The following TGM6 variants were observed in gnomAD, a reference collection of about 807,000 sequenced individuals.
TGM6 encodes the protein transglutaminase 6, also known as protein-glutamine gamma-glutamyltransferase 6.
Under a neutral mutation model 77.5 loss-of-function variants are expected in TGM6, and 74 were observed. The ratio of observed to expected loss-of-function variants is 0.96; its 90% CI spans 0.79 to 1.16. The LOEUF (loss-of-function observed/expected upper bound fraction) is 1.16. Ranked by LOEUF, TGM6 falls within the 50% of genes most tolerant of loss-of-function variation. TGM6 has a pLI of 0.00. For missense variants in TGM6, 968 were observed against 940.2 expected, an observed-to-expected ratio of 1.03 and a Z score of -0.39; for synonymous variants, 383 against 378.9, an observed-to-expected ratio of 1.01 and a Z score of -0.12.
At chr20:2,432,183 G>T (rs2084927910) in intron 12 of TGM6, among the ~76,000 whole-genome samples, 2 of 152,008 alleles carry the variant, frequency 1.3e-5, no homozygotes, top group African/African-American at 4.8e-5. Flanking sequence ...TGAGTAGCTG[G>T]GATTACAGGT....
At chr20:2,427,134 G>A (rs1018237587) in intron 10 of TGM6, among the ~76,000 whole-genome samples, 4 of 152,080 alleles carry the variant, frequency 2.6e-5, no homozygotes, top group African/African-American at 7.2e-5. Flanking sequence ...GGATTAATGT[G>A]TTCTGGTTTG....
chr20:2,427,456 G>T (rs1264268161), intron 10 of TGM6, among the ~76,000 whole-genome samples: 1 of 151,972 alleles, frequency 6.6e-6, no homozygotes, highest in Non-Finnish European at 1.5e-5. Flanking sequence ...CTTGCTAGAG[G>T]CTTATTGACT....
intron 1 of TGM6, among the ~76,000 whole-genome samples, chr20:2,393,690 C>T (rs952443085): frequency 2.0e-5 from 3 of 151,818 alleles, no homozygotes; most frequent in Non-Finnish European, 2.9e-5. Flanking sequence ...ACGCCTGGCT[C>T]ATTTTTTGTA....
In TGM6 at chr20:2,432,484, C is replaced by T; in HGVS notation, c.1968-6C>T. ...AGTCTGCCTTTCTCCCCTCCCCTTCCTCCAGCGTGCCTACCCTGGAGCCTC... is the reference window on the plus strand; with the variant it reads ...AGTCTGCCTTTCTCCCCTCCCCTTCTTCCAGCGTGCCTACCCTGGAGCCTC... On this transcript the variant is annotated splice_region_variant and splice_polypyrimidine_tract_variant and intron_variant, in intron 12 of 12. Coordinates refer to ENST00000202625, the MANE Select transcript of TGM6 (RefSeq NM_198994.3). The T allele has an allele frequency of 6.2e-7, 1 of 1,613,976 alleles. No homozygotes were observed. Among genetic ancestry groups the T allele is most frequent in the South Asian group, 1.1e-5 (1 of 91,070 alleles).
At chr20:2,424,655 G>T (rs1568670643) in intron 10 of TGM6, among the ~76,000 whole-genome samples, 1 of 152,152 alleles carries the variant, frequency 6.6e-6, no homozygotes, top group Non-Finnish European at 1.5e-5. Context: ...TCCTTCAAGA[G>T]TAGCACTTTT....
intron 9 of TGM6, among the ~76,000 whole-genome samples, chr20:2,404,349 T>C (rs3865538): frequency 0.45 from 67,926 of 152,124 alleles, 16,752 homozygotes; most frequent in East Asian, 0.67. Context: ...CTTATAGCTG[T>C]TTCCAACTAT....
Position 2,403,810 on chromosome 20 carries a change from C to A in TGM6, c.1323C>A (p.Tyr441Ter). The change falls in exon 9 of 13, where the codon TAC becomes TAA. Residue 441 changes from tyrosine (Y) to a stop codon, truncating the protein, a stop_gained. Transcript: ENST00000202625. LOFTEE classifies it high-confidence loss of function. Reference protein sequence around the residue: ...SDSRVDITDLYKYPEGSRKER... With the variant: ...SDSRVDITDL ...CCCGCGTGGACATCACTGACCTCTA[C>A]AAGTATCCGGAAGGTAAGGGCCACA... is the stretch of plus-strand genomic sequence containing the variant. The A allele has an allele frequency of 6.2e-7, 1 of 1,614,142 alleles. No individual in the cohort carries two copies. Among genetic ancestry groups the A allele is most frequent in the Non-Finnish European group, 8.5e-7 (1 of 1,180,032 alleles).
rs74955193 is a variant in TGM6, at chr20:2,430,262, A to G, written c.1679-184A>G. On this transcript the variant is annotated intron_variant, in intron 10 of 12. Transcript: ENST00000202625. ...GTTTACTTCCTATATGAGTTTGAAC[A>G]GGAAAATACCCACTCTGGGCCTTAG... Among the ~76,000 whole-genome samples, 2,006 of 152,318 alleles carry G rather than the reference A, an allele frequency of 0.013. 51 individuals carry two copies. The highest frequency in any genetic ancestry group is 0.046 in the African/African-American group (1,913 of 41,566).
intron 1 of TGM6, among the ~76,000 whole-genome samples, chr20:2,389,072 C>T (rs1049330315): frequency 1.3e-5 from 2 of 152,300 alleles, no homozygotes; most frequent in East Asian, 3.9e-4. Flanking sequence ...TTGTAACTGC[C>T]TTGACCCATA....
intron 5 of TGM6, among the ~76,000 whole-genome samples, chr20:2,399,157 A>G (rs2084688217): frequency 4.1e-5 from 1 of 24,384 alleles, no homozygotes; most frequent in Non-Finnish European, 1.1e-4. Context: ...AAAAAAAAAA[A>G]GAATAATGAA....
intron 7 of TGM6, among the ~76,000 whole-genome samples, chr20:2,401,344 C>T (rs909040247): frequency 2.0e-5 from 3 of 152,218 alleles, no homozygotes; most frequent in African/African-American, 7.2e-5. Context: ...TCCCCATCCT[C>T]CTCCTGGAGG....
intron 1 of TGM6, among the ~76,000 whole-genome samples, chr20:2,382,531 G>T (rs1252044384): frequency 6.6e-6 from 1 of 152,220 alleles, no homozygotes; most frequent in Admixed American, 6.5e-5. Flanking sequence ...AACTTGCTGG[G>T]TTCCTCTCTC....
At chr20:2,409,281 T>C (rs994033993) in intron 9 of TGM6, among the ~76,000 whole-genome samples, 1 of 151,814 alleles carries the variant, frequency 6.6e-6, no homozygotes, top group African/African-American at 2.4e-5. Context: ...TACTCTGCAG[T>C]GAAAGAAAAT....
At chr20:2,394,087 C>A (rs1039259799) in intron 1 of TGM6, among the ~76,000 whole-genome samples, 1 of 151,988 alleles carries the variant, frequency 6.6e-6, no homozygotes. Context: ...GTCAGGAGTT[C>A]GAGACCAGTT....
Position 2,400,407 on chromosome 20 carries a change from G to A in TGM6, c.952G>A (p.Gly318Arg), listed in dbSNP as rs1398536103. The change falls in exon 7 of 13, where the codon GGG becomes AGG. Residue 318 changes from glycine (G) to arginine (R), a missense_variant. By Grantham distance (125) the Gly-to-Arg change is moderately radical. Coordinates refer to ENST00000202625, the MANE Select transcript of TGM6 (RefSeq NM_198994.3). Reference protein sequence around the residue: ...LSVDKYVDSFGRTLEDLTEDS... With the variant: ...LSVDKYVDSFRRTLEDLTEDS... ...TGTGGACAAATACGTGGACTCCTTC[G>A]GGCGGACCCTGGAGGACCTGACAGA... is the stretch of plus-strand genomic sequence containing the variant. 2.5e-6 allele frequency: 4 copies of A among 1,614,126 alleles called. No individual in the cohort carries two copies. Among genetic ancestry groups the A allele is most frequent in the Admixed American group, 3.3e-5 (2 of 60,004 alleles).
At chr20:2,399,795 A>C in intron 6 of TGM6, 57 bp downstream of exon 6, 1 of 1,448,684 alleles carries the variant, frequency 6.9e-7, no homozygotes, top group Non-Finnish European at 9.4e-7. Flanking sequence ...CTCTATCTAA[A>C]TGTATTTACA....
chr20:2,388,628 C>CA (rs551263948), intron 1 of TGM6, among the ~76,000 whole-genome samples: 5,028 of 149,936 alleles, frequency 0.034, 125 homozygotes, highest in Non-Finnish European at 0.047. Flanking sequence ...AACAAACAAA[C>CA]AAAAAAAAAC....
chr20:2,393,531 A>T (rs2084642086), intron 1 of TGM6, among the ~76,000 whole-genome samples: 1 of 152,134 alleles, frequency 6.6e-6, no homozygotes, highest in Admixed American at 6.6e-5. Context: ...ATATATATTA[A>T]ATTATGTTTG....
chr20:2,381,655 G>A (rs1291024464), intron 1 of TGM6, among the ~76,000 whole-genome samples: 5 of 152,184 alleles, frequency 3.3e-5, no homozygotes, highest in African/African-American at 4.8e-5. Context: ...AGTGGCTCAC[G>A]CCTCTAATCC....
Sources: gnomAD v4.1 joint callset for allele counts (sites outside exome capture counted in the v4.1 genomes callset) on GRCh38, gnomAD v4.1.1 for gene constraint, MANE v1.5 for transcripts, NCBI Gene and HGNC (gene_info 2026-07-23, HGNC 2026-07-21) for gene names.